Variants in DCC observed in about 807,000 individuals in gnomAD.
DCC encodes the protein DCC netrin 1 receptor.
Under a neutral mutation model 172.5 loss-of-function variants are expected in DCC, and 58 were observed. The observed-to-expected ratio is 0.34, with a 90% confidence interval of 0.27 to 0.42. The LOEUF (loss-of-function observed/expected upper bound fraction) is 0.42. Ranked by LOEUF, DCC falls within the 10% of genes least tolerant of loss-of-function variation. The probability of loss-of-function intolerance (pLI) is 1.00; values close to 1 mark genes in which losing one functional copy is unlikely to be tolerated. For synonymous variants in DCC, 709 were observed against 644.5 expected, an observed-to-expected ratio of 1.10 and a Z score of -1.52; for missense variants, 1,740 against 1,791.0, an observed-to-expected ratio of 0.97 and a Z score of 0.51.
intron 5 of DCC, among the ~76,000 whole-genome samples, chr18:52,932,409 T>TAAAAAGTGATTTGATCTTTTACAA (rs2040319721): frequency 6.6e-6 from 1 of 152,132 alleles, no homozygotes; most frequent in African/African-American, 2.4e-5. Flanking sequence ...ATGCATAATT[T>TAAAAAGTGATTTGATCTTTTACAA]AAAAAGTGAT....
chr18:52,491,125 C>T (rs1406152709), intron 1 of DCC, among the ~76,000 whole-genome samples: 2 of 152,000 alleles, frequency 1.3e-5, no homozygotes, highest in Non-Finnish European at 2.9e-5. Context: ...ATGTTCTTTT[C>T]TTATTTTACT....
chr18:52,638,464 G>A (rs74733712), intron 1 of DCC, among the ~76,000 whole-genome samples: 1 of 151,890 alleles, frequency 6.6e-6, no homozygotes, highest in Non-Finnish European at 1.5e-5. Context: ...AGCACATAAG[G>A]ACTCACATAA....
intron 5 of DCC, among the ~76,000 whole-genome samples, chr18:52,955,451 C>A (rs368358449): frequency 6.6e-6 from 1 of 151,574 alleles, no homozygotes; most frequent in African/African-American, 2.4e-5. Flanking sequence ...ATTTACCTAT[C>A]GAGGGGCATC....
At chr18:52,806,498 T>C (rs2038086305) in intron 2 of DCC, among the ~76,000 whole-genome samples, 1 of 152,232 alleles carries the variant, frequency 6.6e-6, no homozygotes, top group African/African-American at 2.4e-5. Flanking sequence ...TGAAAGTGAA[T>C]GCATAGGCTT....
chr18:52,586,082 C>CAAAAAA (rs5824949), intron 1 of DCC, among the ~76,000 whole-genome samples: 1 of 73,226 alleles, frequency 1.4e-5, no homozygotes, highest in African/African-American at 5.6e-5. Context: ...GACTCCGTCT[C>CAAAAAA]AAAAAAAAAA....
At chr18:52,352,653 G>T (rs772000514) in intron 1 of DCC, among the ~76,000 whole-genome samples, 1 of 152,050 alleles carries the variant, frequency 6.6e-6, no homozygotes. Flanking sequence ...GGTATAATTG[G>T]TCCTGAGGGT....
intron 1 of DCC, among the ~76,000 whole-genome samples, chr18:52,548,201 C>G (rs1219586853): frequency 6.6e-6 from 1 of 152,120 alleles, no homozygotes; most frequent in African/African-American, 2.4e-5. Flanking sequence ...TTTGAAAACA[C>G]AGGAATGGTT....
intron 13 of DCC, among the ~76,000 whole-genome samples, chr18:53,315,184 A>G (rs376722530): frequency 9.2e-5 from 14 of 151,880 alleles, no homozygotes; most frequent in Admixed American, 6.6e-4. Flanking sequence ...TCATTGTTCA[A>G]CTCCCACTTA....
intron 2 of DCC, among the ~76,000 whole-genome samples, chr18:52,802,643 CTTTTTTTTTT>C (rs776080029): frequency 3.4e-3 from 130 of 38,158 alleles, no homozygotes; most frequent in African/African-American, 6.9e-3. Flanking sequence ...CACGCCAAGC[CTTTTTTTTTT>C]TTTTTTTTTT....
intron 1 of DCC, among the ~76,000 whole-genome samples, chr18:52,451,075 A>G (rs1385809540): frequency 6.6e-6 from 1 of 152,200 alleles, no homozygotes; most frequent in Non-Finnish European, 1.5e-5. Context: ...AGAACATTAG[A>G]ATTTCACTGT....
chr18:53,481,402 G>A (rs1050572728), intron 25 of DCC, among the ~76,000 whole-genome samples: 1 of 152,136 alleles, frequency 6.6e-6, no homozygotes, highest in African/African-American at 2.4e-5. Flanking sequence ...TGAATCTTAG[G>A]GCTTTTCCAA....
At chr18:52,526,130 G>A (rs2031973210) in intron 1 of DCC, among the ~76,000 whole-genome samples, 1 of 152,196 alleles carries the variant, frequency 6.6e-6, no homozygotes, top group South Asian at 2.1e-4. Context: ...TGTGAGTTGA[G>A]CAAAGACAAA....
chr18:53,491,072 A>C (rs2045954644), intron 26 of DCC, among the ~76,000 whole-genome samples: 1 of 152,088 alleles, frequency 6.6e-6, no homozygotes, highest in Admixed American at 6.6e-5. Context: ...ACCTATGTAA[A>C]GCCATTTTTA....
chr18:52,711,968 T>A (rs1273446922), intron 1 of DCC, among the ~76,000 whole-genome samples: 1 of 100,916 alleles, frequency 9.9e-6, no homozygotes, highest in Non-Finnish European at 1.9e-5. Context: ...TCCCACTTAA[T>A]TTTTTTTTTT....
chr18:52,385,980 A>C (rs1182756459), intron 1 of DCC, among the ~76,000 whole-genome samples: 1 of 152,106 alleles, frequency 6.6e-6, no homozygotes, highest in Non-Finnish European at 1.5e-5. Context: ...TATAGATAGC[A>C]CAGATGTGTA....
chr18:52,620,477 C>T (rs1338636358), intron 1 of DCC, among the ~76,000 whole-genome samples: 3 of 152,076 alleles, frequency 2.0e-5, no homozygotes, highest in Admixed American at 6.6e-5. Flanking sequence ...GACTCTGAAC[C>T]GAATAAATCT....
intron 1 of DCC, among the ~76,000 whole-genome samples, chr18:52,553,304 C>G (rs566085882): frequency 2.6e-5 from 4 of 152,000 alleles, no homozygotes; most frequent in Non-Finnish European, 5.9e-5. Flanking sequence ...AGATCACTCA[C>G]TTTTTCCTAT....
intron 26 of DCC, among the ~76,000 whole-genome samples, chr18:53,495,421 T>C (rs1324617818): frequency 6.6e-6 from 1 of 151,074 alleles, no homozygotes; most frequent in Non-Finnish European, 1.5e-5. Flanking sequence ...GAAAGAAAAT[T>C]CTTTAAGAAT....
intron 3 of DCC, among the ~76,000 whole-genome samples, chr18:52,911,558 A>T (rs996978118): frequency 2.0e-5 from 3 of 151,862 alleles, no homozygotes; most frequent in Admixed American, 6.6e-5. Context: ...CAGTTCAAGT[A>T]GGGAATTTAT....
Sources: gnomAD v4.1 joint callset for allele counts (sites outside exome capture counted in the v4.1 genomes callset) on GRCh38, gnomAD v4.1.1 for gene constraint, MANE v1.5 for transcripts, NCBI Gene and HGNC (gene_info 2026-07-23, HGNC 2026-07-21) for gene names.